RAB40B: variants seen among roughly 807,000 people sequenced by gnomAD.
RAB40B encodes ras-related protein Rab-40B.
Under a neutral mutation model 24.0 loss-of-function variants are expected in RAB40B, and 21 were observed. The observed-to-expected ratio is 0.88, with a 90% CI of 0.62 to 1.26. RAB40B has a LOEUF of 1.26. Among genes scored for constraint, RAB40B ranks in the 50% most tolerant of loss-of-function variants. The pLI is 0.00. For missense variants in RAB40B, 348 were observed against 390.5 expected (o/e 0.89, Z 0.92); for synonymous variants, 167 against 169.8 (o/e 0.98, Z 0.13).
chr17:82,668,650 C>T (rs142470055), intron 1 of RAB40B, among the ~76,000 whole-genome samples: 22 of 152,394 alleles, frequency 1.4e-4, no homozygotes, highest in Non-Finnish European at 2.5e-4. Flanking sequence ...CTGTGCTCCA[C>T]GACTGGAGCG....
intron 4 of RAB40B, chr17:82,659,051 G>T (rs2046126744): frequency 3.3e-6 from 1 of 303,208 alleles, no homozygotes; most frequent in Admixed American, 4.6e-5. Context: ...GCTGGGAGAG[G>T]CGGCTGTAGG....
In RAB40B at chr17:82,675,856, G is replaced by A. The variant is rs1350024951; in HGVS notation, c.143-11300C>T. On this transcript the variant is annotated intron_variant, in intron 1 of 5. Coordinates refer to ENST00000571995, the MANE Select transcript of RAB40B (RefSeq NM_006822.3). This position sits in a 1 kb window ranked among gnomAD's most constrained non-coding sequence, Gnocchi z 4.5. ...CACAAACATTCACTCTCTTGCAGGC[G>A]GGTGGGGAGATAAAACCTTAAAAAA... 6.6e-6 allele frequency among the ~76,000 whole-genome samples: 1 copy of A among 152,048 alleles called. No individual in the cohort carries two copies. Among genetic ancestry groups the A allele is most frequent in the Non-Finnish European group, 1.5e-5 (1 of 68,010 alleles).
At chr17:82,666,885 A>G (rs2046264295) in intron 1 of RAB40B, among the ~76,000 whole-genome samples, 1 of 152,228 alleles carries the variant, frequency 6.6e-6, no homozygotes, top group Non-Finnish European at 1.5e-5. Context: ...TAAACCTACA[A>G]GAGACAAGCC....
intron 3 of RAB40B, 110 bp downstream of exon 3, chr17:82,660,877 G>T: frequency 7.2e-7 from 1 of 1,383,138 alleles, no homozygotes; most frequent in Non-Finnish European, 1.0e-6. Context: ...TTATACGTAA[G>T]CTTAACCGCC....
At chr17:82,678,645 GA>G (rs1189945949) in intron 1 of RAB40B, among the ~76,000 whole-genome samples, 1 of 152,152 alleles carries the variant, frequency 6.6e-6, no homozygotes, top group Non-Finnish European at 1.5e-5. Context: ...CAGCTTTTGA[GA>G]AATCTGTCTT....
chr17:82,689,908 A>G (rs1469914478), intron 1 of RAB40B, among the ~76,000 whole-genome samples: 2 of 150,744 alleles, frequency 1.3e-5, no homozygotes, highest in African/African-American at 4.9e-5. Flanking sequence ...CGGAGGTTGC[A>G]GTGAACCGAG....
intron 4 of RAB40B, chr17:82,659,192 C>G: frequency 3.4e-6 from 1 of 292,470 alleles, no homozygotes; most frequent in African/African-American, 2.2e-5. Flanking sequence ...ATACAGTGGG[C>G]TTAGTGTCGA....
chr17:82,666,952 T>C (rs566193587), intron 1 of RAB40B, among the ~76,000 whole-genome samples: 2 of 152,260 alleles, frequency 1.3e-5, no homozygotes, highest in African/African-American at 2.4e-5. Context: ...TATGGCTGAA[T>C]AGGGAATCAG....
rs143626208 is a variant in RAB40B, at chr17:82,657,900, G to T, written c.800C>A (p.Pro267His). The change falls in exon 6 of 6, where the codon CCC (proline) becomes CAC (histidine). Residue 267 changes from proline (P) to histidine (H), a missense_variant. Transcript: ENST00000571995. ...GCAGCTGTTTCTGGTGCAGTTTTTG[G>T]GGGGGCTCTGGGGGGGGCGGACGAG... ...VKLVRPPQSP[P>H]KNCTRNSCKI... is the part of the protein sequence containing the mutation. The T allele has an allele frequency of 1.1e-5, 17 of 1,612,502 alleles. No homozygotes were observed. In the African/African-American group the frequency reaches 1.5e-4, roughly 14 times the overall value.
At chr17:82,693,085 C>T (rs988555768) in intron 1 of RAB40B, among the ~76,000 whole-genome samples, 2 of 152,026 alleles carry the variant, frequency 1.3e-5, no homozygotes, top group Non-Finnish European at 2.9e-5. Flanking sequence ...TCACTGCAAC[C>T]TCCGCCTCCC....
At position 82,673,410 on chromosome 17, in the gene RAB40B, T is replaced by C. The variant is rs935587652; in HGVS notation, c.143-8854A>G. On this transcript the variant is annotated intron_variant, in intron 1 of 5. Transcript: ENST00000571995. ...GCTCCCATCTGGACTGGGAGGACTGTTGCCCTGGGGCCCCCACTCCCTTAC... is the reference window on the plus strand; with the variant it reads ...GCTCCCATCTGGACTGGGAGGACTGCTGCCCTGGGGCCCCCACTCCCTTAC... Among the ~76,000 whole-genome samples, 4 of 152,062 alleles carry C rather than the reference T, an allele frequency of 2.6e-5. No individual in the cohort carries two copies. In the South Asian group the frequency reaches 8.3e-4, roughly 32 times the overall value.
At chr17:82,668,473 G>A (rs932932813) in intron 1 of RAB40B, among the ~76,000 whole-genome samples, 2 of 152,240 alleles carry the variant, frequency 1.3e-5, no homozygotes, top group Non-Finnish European at 2.9e-5. Context: ...GCCAAGGGGC[G>A]CCTGCAGGCC....
At chr17:82,673,633 G>A (rs1478485367) in intron 1 of RAB40B, among the ~76,000 whole-genome samples, 2 of 152,198 alleles carry the variant, frequency 1.3e-5, no homozygotes, top group African/African-American at 4.8e-5. Flanking sequence ...TCATTCCAGA[G>A]TTCCTTTTGA....
At chr17:82,678,595 T>G (rs1270863477) in intron 1 of RAB40B, among the ~76,000 whole-genome samples, 2 of 152,224 alleles carry the variant, frequency 1.3e-5, no homozygotes, top group Non-Finnish European at 2.9e-5. Context: ...GGTGCAAATA[T>G]TGATTCAATA....
chr17:82,678,085 C>G (rs1426880601), intron 1 of RAB40B, among the ~76,000 whole-genome samples: 2 of 152,104 alleles, frequency 1.3e-5, no homozygotes, highest in South Asian at 2.1e-4. Flanking sequence ...ATTGATGGAG[C>G]CATTTTGTTT....
At position 82,658,142 on chromosome 17, in the gene RAB40B, G is replaced by A. The variant is rs1369992088; in HGVS notation, c.566-8C>T. 6.2e-7 allele frequency: 1 copy of A among 1,611,840 alleles called. No individual in the cohort carries two copies. Among genetic ancestry groups the A allele is most frequent in the South Asian group, 1.1e-5 (1 of 90,876 alleles). On this transcript the variant is annotated splice_polypyrimidine_tract_variant and splice_region_variant and intron_variant, in intron 5 of 5. Transcript: ENST00000571995. ...GGTCTTGCAAGCTCAGCACTTGGGA[G>A]AGAAAAGATAAACCTTGCTTAGTGG... is the stretch of plus-strand genomic sequence containing the variant.
intron 1 of RAB40B, among the ~76,000 whole-genome samples, chr17:82,676,461 G>A (rs1199507241): frequency 4.4e-5 from 4 of 91,218 alleles, no homozygotes; most frequent in Non-Finnish European, 8.8e-5. Flanking sequence ...GGGCACCCCC[G>A]ACCTTCAACA....
chr17:82,694,296 G>A (rs2046587058), intron 1 of RAB40B, among the ~76,000 whole-genome samples: 1 of 151,474 alleles, frequency 6.6e-6, no homozygotes, highest in Non-Finnish European at 1.5e-5. Context: ...TTGGGAGGCT[G>A]AGCTAAGCAG....
chr17:82,676,547 C>T (rs1345424344), intron 1 of RAB40B, among the ~76,000 whole-genome samples: 1 of 152,072 alleles, frequency 6.6e-6, no homozygotes, highest in Non-Finnish European at 1.5e-5. Context: ...AGCACCATTC[C>T]CTTTGCATTC....
Sources: allele counts gnomAD v4.1 joint callset (sites outside exome capture counted in the v4.1 genomes callset), GRCh38; gene constraint gnomAD v4.1.1; non-coding constraint Gnocchi (gnomAD v3.1); transcripts MANE v1.5; gene names NCBI Gene and HGNC (gene_info 2026-07-23, HGNC 2026-07-21).